SCN9A: variants seen among roughly 807,000 people sequenced by gnomAD.
SCN9A encodes sodium channel protein type 9 subunit alpha.
In SCN9A, 131 loss-of-function variants were observed where a neutral mutation model predicts 187.0. The observed-to-expected ratio is 0.70, with a 90% CI of 0.61 to 0.81. SCN9A has a LOEUF of 0.81. Among genes scored for constraint, SCN9A ranks in the 30% least tolerant of loss-of-function variants. The pLI is 0.00. For missense variants in SCN9A, 2,252 were observed against 2,396.6 expected (o/e 0.94, Z 1.26); for synonymous variants, 809 against 808.6 (o/e 1.00, Z -0.01).
chr2:166,201,513 CTA>C lies in SCN9A; in HGVS notation c.4775-1651_4775-1650del, dbSNP rs58003094. On this transcript the variant is annotated intron_variant, in intron 26 of 26. Coordinates refer to ENST00000642356, the MANE Select transcript of SCN9A (RefSeq NM_001365536.1). Reference sequence around the variant, plus strand: ...ATATATAGTATAGAGTATGCGTATACTATATATATAGTATAGAGTATGCGTAT... The same window carrying C: ...ATATATAGTATAGAGTATGCGTATACTATATATAGTATAGAGTATGCGTAT... Among the ~76,000 whole-genome samples the C allele has an allele frequency of 2.3e-4, 15 of 64,328 alleles. 2 individuals are homozygous for C. Among genetic ancestry groups the C allele is most frequent in the East Asian group, 8.1e-4 (2 of 2,468 alleles). 42.2% of individuals were successfully genotyped at this position (64,328 alleles called of 152,430 possible).
intron 24 of SCN9A, among the ~76,000 whole-genome samples, chr2:166,222,792 A>G (rs1179283858): frequency 1.4e-4 from 20 of 145,920 alleles, no homozygotes; most frequent in African/African-American, 4.5e-4. Flanking sequence ...TTAGCCGGGC[A>G]TGGTGGCGCA....
At chr2:166,207,098 A>C (rs1262515296) in intron 24 of SCN9A, among the ~76,000 whole-genome samples, 2 of 152,206 alleles carry the variant, frequency 1.3e-5, no homozygotes, top group African/African-American at 4.8e-5. Context: ...AGTTAGCTGT[A>C]AGTTTTACAG....
chr2:166,281,881 TA>T, intron 12 of SCN9A, 73 bp from the exon 13 acceptor site: 4 of 1,395,914 alleles, frequency 2.9e-6, no homozygotes, highest in Non-Finnish European at 3.9e-6. Flanking sequence ...AAATCTTGCT[TA>T]TATAGCTGTA....
chr2:166,238,262 A>G lies in SCN9A; in HGVS notation c.3633T>C (p.Phe1211=). ...TTTTCCTTTCAATATAAATATCTTC[A>G]AAAGCCTGTGGAAATAATATTCAAG... ...MILLSSGALA[F]EDIYIERKKT... is the part of the protein sequence containing the mutation. Residue 1211 remains phenylalanine (F), a synonymous_variant, in exon 20 of 27, where the codon TTT becomes TTC. Coordinates refer to ENST00000642356, the MANE Select transcript of SCN9A (RefSeq NM_001365536.1). 1 of 1,552,878 alleles carries G rather than the reference A, an allele frequency of 6.4e-7. No individual in the cohort carries two copies. Among genetic ancestry groups the G allele is most frequent in the African/African-American group, 1.4e-5 (1 of 72,648 alleles).
At chr2:166,363,602 A>G (rs1700341064) in intron 1 of SCN9A, among the ~76,000 whole-genome samples, 1 of 150,740 alleles carries the variant, frequency 6.6e-6, no homozygotes, top group Admixed American at 6.7e-5. Context: ...AGAGTAAGGC[A>G]CATTCAGACT....
In SCN9A at chr2:166,306,516, T is replaced by G. The variant is rs1455672180; in HGVS notation, c.461A>C (p.Asn154Thr). ...TMNNPPDWTK[N>T]VEYTFTGIYT... ...TGTACTTATACCCACTTACTCGACA[T>G]TTTTGGTCCAGTCCGGTGGGTTATT... The change falls in exon 4 of 27, where the codon AAT becomes ACT. Residue 154 changes from asparagine to threonine, a missense_variant. Transcript: ENST00000642356. The G allele has an allele frequency of 6.5e-7, 1 of 1,538,418 alleles. No individual in the cohort carries two copies. The highest frequency in any genetic ancestry group is 1.9e-5 in the Admixed American group (1 of 53,830).
chr2:166,291,109 G>C (rs971467647), intron 9 of SCN9A, among the ~76,000 whole-genome samples: 1 of 152,130 alleles, frequency 6.6e-6, no homozygotes, highest in South Asian at 2.1e-4. Context: ...AGAAATAAAG[G>C]GTATTCAAAT....
intron 1 of SCN9A, among the ~76,000 whole-genome samples, chr2:166,369,496 C>G (rs1266144214): frequency 6.6e-6 from 1 of 152,096 alleles, no homozygotes; most frequent in Admixed American, 6.5e-5. Flanking sequence ...CCAGTTGATC[C>G]CTGAGTAGGC....
At chr2:166,300,395 G>C (rs1698503238) in intron 7 of SCN9A, among the ~76,000 whole-genome samples, 1 of 150,714 alleles carries the variant, frequency 6.6e-6, no homozygotes, top group Non-Finnish European at 1.5e-5. Flanking sequence ...CTATTTTATG[G>C]CTTCTTACTA....
In SCN9A at chr2:166,311,329, CCTATATATATATATATATATAT is replaced by C. The variant is rs1183335597; in HGVS notation, c.258+148_258+169del. On this transcript the variant is annotated intron_variant, in intron 2 of 26. Transcript: ENST00000642356. ...TTGAAAAAGTACAGATTCTGAATAT[CCTATATATATATATATATATAT>C]ATATATATATATATATATATATATA... is the stretch of plus-strand genomic sequence containing the variant. 2.0e-3 allele frequency among the ~76,000 whole-genome samples: 96 copies of C among 47,904 alleles called. 11 individuals are homozygous for C. Among genetic ancestry groups the C allele is most frequent in the Admixed American group, 7.7e-3 (23 of 2,986 alleles). The allele number at this position is 47,904 out of a possible 152,430, so 31.4% of individuals were successfully genotyped here. A position where few individuals can be genotyped will look rare whatever the true frequency, so the allele number is the denominator to read the frequency against.
At chr2:166,209,774 T>G (rs1287085701) in intron 24 of SCN9A, among the ~76,000 whole-genome samples, 1 of 151,406 alleles carries the variant, frequency 6.6e-6, no homozygotes, top group Admixed American at 6.6e-5. Flanking sequence ...CTCATACCAG[T>G]TAGAATGGTG....
At chr2:166,225,190 A>G (rs897427669) in intron 24 of SCN9A, among the ~76,000 whole-genome samples, 6 of 152,138 alleles carry the variant, frequency 3.9e-5, no homozygotes, top group Non-Finnish European at 7.4e-5. Flanking sequence ...TGCCTCTTTT[A>G]TCAACACAAT....
chr2:166,238,759 A>G (rs1045767977), intron 19 of SCN9A, among the ~76,000 whole-genome samples: 4 of 152,304 alleles, frequency 2.6e-5, no homozygotes, highest in Middle Eastern at 6.8e-3. Context: ...GCAGGAAAGG[A>G]AAGATTTGCT....
At chr2:166,344,120 T>C (rs1337726790) in intron 1 of SCN9A, among the ~76,000 whole-genome samples, 4 of 152,100 alleles carry the variant, frequency 2.6e-5, no homozygotes, top group Non-Finnish European at 4.4e-5. Context: ...AACATCATAT[T>C]CCAATCAACT....
In SCN9A at chr2:166,281,768, G is replaced by C. The variant is rs191955307; in HGVS notation, c.2015C>G (p.Ser672Cys). 6.2e-7 allele frequency: 1 copy of C among 1,612,964 alleles called. No homozygotes were observed. The highest frequency in any genetic ancestry group is 1.1e-5 in the South Asian group (1 of 91,022). Reference protein sequence around the residue: ...NQIHKKRRCSSYLLSEDMLND... With the variant: ...NQIHKKRRCSCYLLSEDMLND... ...CAGCATATCCTCTGAAAGGAGATAG[G>C]AACTACAACGCCTTTTCTTGTGTAT... The change falls in exon 13 of 27, where the codon TCC (serine) becomes TGC (cysteine). Residue 672 changes from serine to cysteine, a missense_variant. Ser to Cys is a moderately radical substitution (Grantham distance 112, BLOSUM62 -1). This residue lies in a region of SCN9A where 1,013 missense variants were observed against 997.4 expected (regional missense o/e 1.02). Transcript: ENST00000642356.
At position 166,306,934 on chromosome 2, in the gene SCN9A, G is replaced by A. The variant is rs754870625; in HGVS notation, c.377+22C>T. On this transcript the variant is annotated intron_variant, in intron 3 of 26. Coordinates refer to ENST00000642356, the MANE Select transcript of SCN9A (RefSeq NM_001365536.1). ...ATTACACCATAAAGTGCCACTGGAT[G>A]TAATCATTTTTAAAAGGATATGAGT... 2.9e-6 allele frequency: 4 copies of A among 1,359,554 alleles called. No individual in the cohort carries two copies. The East Asian group carries it at 9.2e-5, about 31-fold the overall frequency. 84.2% of individuals were successfully genotyped at this position (1,359,554 alleles called of 1,614,324 possible).
At chr2:166,207,668 T>G (rs1215172831) in intron 24 of SCN9A, among the ~76,000 whole-genome samples, 1 of 152,196 alleles carries the variant, frequency 6.6e-6, no homozygotes, top group Non-Finnish European at 1.5e-5. Context: ...TTTGAACTCC[T>G]GGCCTCAAGT....
chr2:166,243,465 A>G (rs1032260823), intron 18 of SCN9A, among the ~76,000 whole-genome samples: 1 of 152,040 alleles, frequency 6.6e-6, no homozygotes, highest in South Asian at 2.1e-4. Context: ...GTTCATTTTG[A>G]TAGCATGGAA....
At chr2:166,225,152 G>A (rs938422196) in intron 24 of SCN9A, among the ~76,000 whole-genome samples, 7 of 152,008 alleles carry the variant, frequency 4.6e-5, no homozygotes, top group East Asian at 1.9e-4. Context: ...CTTCAAAACC[G>A]AAAGCATTGC....
Sources: gnomAD v4.1 joint callset for allele counts (sites outside exome capture counted in the v4.1 genomes callset) on GRCh38, gnomAD v4.1.1 for gene constraint, gnomAD v4.1.1 regional missense constraint, MANE v1.5 for transcripts, NCBI Gene and HGNC (gene_info 2026-07-23, HGNC 2026-07-21) for gene names.